Variants in PLCD3 observed in about 807,000 individuals in gnomAD.
PLCD3 encodes phospholipase C delta 3.
A neutral mutation model predicts 82.8 loss-of-function variants in PLCD3; 62 were observed. The ratio of observed to expected loss-of-function variants is 0.75; its 90% CI spans 0.61 to 0.93. PLCD3 has a LOEUF of 0.93. PLCD3 is among the 40% of genes least tolerant of loss of function. The probability of loss-of-function intolerance (pLI) is 0.00; values close to 1 mark genes in which losing one functional copy is unlikely to be tolerated. For missense variants in PLCD3, 1,023 were observed against 1,103.4 expected, an observed-to-expected ratio of 0.93 and a Z score of 1.03; for synonymous variants, 478 against 471.8, an observed-to-expected ratio of 1.01 and a Z score of -0.17.
rs1189365456 is a variant in PLCD3, at chr17:45,121,026, T to G, written c.430A>C (p.Lys144Gln). ...APARCLTIAF[K>Q]GRRKNLDLAA... ...AGGTCCAGGTTCTTGCGGCGGCCCT[T>G]GAAGGCGATGGTGAGGCAGCGCGCT... The change falls in exon 3 of 15, where the codon AAG becomes CAG. Residue 144 changes from lysine to glutamine, a missense_variant. Around this residue, in one of 3 missense-constraint regions of PLCD3, gnomAD observed 448 missense variants for 406.3 expected, o/e 1.10. Coordinates refer to ENST00000619929, the MANE Select transcript of PLCD3 (RefSeq NM_133373.5). 3.9e-6 allele frequency: 6 copies of G among 1,540,560 alleles called. No homozygotes were observed. Among genetic ancestry groups the G allele is most frequent in the Non-Finnish European group, 5.2e-6 (6 of 1,150,628 alleles).
rs1239387542 is a variant in PLCD3 at position 45,118,330 on chromosome 17, G to C, written c.1076C>G (p.Ser359Cys). ...SSSHNTYLTD[S>C]QIGGPSSTEA... ...GGTGCTGCTGGGCCCCCCGATCTGGGAGTCAGTCAGATAGGTGTTGTGGGA... is the reference window on the plus strand; with the variant it reads ...GGTGCTGCTGGGCCCCCCGATCTGGCAGTCAGTCAGATAGGTGTTGTGGGA... Residue 359 changes from serine (S) to cysteine (C), a missense_variant, in exon 6 of 15, where the codon TCC (serine) becomes TGC (cysteine). Physicochemically the swap from Ser to Cys is moderately radical, Grantham distance 112 (BLOSUM62 -1). Coordinates refer to ENST00000619929, the MANE Select transcript of PLCD3 (RefSeq NM_133373.5). This position sits in a 1 kb window ranked among gnomAD's most constrained non-coding sequence, Gnocchi z 4.1. 1.2e-6 allele frequency: 2 copies of C among 1,613,954 alleles called. No individual in the cohort carries two copies. The highest frequency in any genetic ancestry group is 1.7e-6 in the Non-Finnish European group (2 of 1,179,912).
At chr17:45,112,817 G>T (rs1255305593) in intron 14 of PLCD3, 46 bp downstream of exon 14, 1 of 1,607,170 alleles carries the variant, frequency 6.2e-7, no homozygotes, top group East Asian at 2.2e-5. Flanking sequence ...AGGGTCTGCA[G>T]GACCTGGACC....
intron 11 of PLCD3, 67 bp from the exon 12 acceptor site, chr17:45,113,672 G>A: frequency 1.3e-6 from 2 of 1,515,020 alleles, no homozygotes; most frequent in Admixed American, 4.1e-5. Context: ...AGTTTCAGGG[G>A]ACTGCATTCC....
intron 8 of PLCD3, among the ~76,000 whole-genome samples, chr17:45,116,154 G>T (rs2054289948): frequency 6.6e-6 from 1 of 152,248 alleles, no homozygotes; most frequent in South Asian, 2.1e-4. Flanking sequence ...AGAGAGCCGA[G>T]GACGCGCTCT....
At position 45,123,525 on chromosome 17, in the gene PLCD3, T is replaced by C. The variant is rs1053384422; in HGVS notation, c.164-2153A>G. 3.3e-5 allele frequency among the ~76,000 whole-genome samples: 5 copies of C among 152,130 alleles called. No individual in the cohort carries two copies. The South Asian group carries it at 6.2e-4, about 19-fold the overall frequency. On this transcript the variant is annotated intron_variant, in intron 1 of 14. Coordinates refer to ENST00000619929, the MANE Select transcript of PLCD3 (RefSeq NM_133373.5). ...GGACTAAGTGAATTCTATCCCCAGC[T>C]CTGCCCCATCTGTCCAGAGTTCAGG...
Position 45,118,043 on chromosome 17 carries a change from T to C in PLCD3, c.1211A>G (p.Lys404Arg). Residue 404 changes from lysine (K) to arginine (R), a missense_variant, in exon 7 of 15, where the codon AAG (lysine) becomes AGG (arginine). Lys to Arg is a conservative substitution (Grantham distance 26, BLOSUM62 2). Coordinates refer to ENST00000619929, the MANE Select transcript of PLCD3 (RefSeq NM_133373.5). The surrounding 1 kb of genome is among the most constrained non-coding windows in gnomAD (Gnocchi z 4.1). ...VIYHGHTLTS[K>R]ILFRDVVQAV... Reference sequence around the variant, plus strand: ...TTGGACCACGTCCCGGAAGAGAATCTTGGAGGTGAGGGTATGGCCATGATA... The same window carrying C: ...TTGGACCACGTCCCGGAAGAGAATCCTGGAGGTGAGGGTATGGCCATGATA... 4 of 1,613,706 alleles carry C rather than the reference T, an allele frequency of 2.5e-6. No homozygotes were observed. The South Asian group carries it at 3.3e-5, about 13-fold the overall frequency.
At chr17:45,123,964 C>CCCCCCCCCCCCT (rs767288821) in intron 1 of PLCD3, among the ~76,000 whole-genome samples, 1 of 145,232 alleles carries the variant, frequency 6.9e-6, no homozygotes, top group African/African-American at 2.5e-5. Flanking sequence ...AGACCCCCCC[C>CCCCCCCCCCCCT]CCAACCAGGT....
At chr17:45,119,968 G>A (rs756112528) in intron 4 of PLCD3, among the ~76,000 whole-genome samples, 31 of 152,362 alleles carry the variant, frequency 2.0e-4, no homozygotes, top group African/African-American at 4.6e-4. Flanking sequence ...GGGTGCACAC[G>A]TGTATCCGTG....
rs759521152 is a variant in PLCD3 at position 45,114,296 on chromosome 17, T to C, written c.1782A>G (p.Ser594=). The change falls in exon 11 of 15, where the codon TCA becomes TCG. Residue 594 remains serine (S), a synonymous_variant. Transcript: ENST00000619929. ...RVYPLGLRMN[S]ANYSPQEMWN... ...ACATCTCCTGGGGACTGTAGTTGGC[T>C]GAGTTCATCCGCAGCCCCAGCGGGT... The C allele has an allele frequency of 4.0e-5, 62 of 1,548,696 alleles. No homozygotes were observed. The Middle Eastern group carries it at 3.7e-3, about 92-fold the overall frequency.
chr17:45,115,531 C>T (rs779377481), intron 8 of PLCD3, 41 bp from the exon 9 acceptor site: 13 of 1,538,580 alleles, frequency 8.4e-6, no homozygotes, highest in South Asian at 3.5e-5. Flanking sequence ...TAGGCCTTCT[C>T]GCCCCTGTGG....
At position 45,118,114 on chromosome 17, in the gene PLCD3, G is replaced by A. The variant is rs758805083; in HGVS notation, c.1140C>T (p.Cys380=). The A allele has an allele frequency of 3.2e-5, 52 of 1,613,834 alleles. No individual in the cohort carries two copies. Among genetic ancestry groups the A allele is most frequent in the South Asian group, 5.5e-5 (5 of 91,072 alleles). The change falls in exon 7 of 15, where the codon TGC becomes TGT. Residue 380 remains cysteine, a synonymous_variant. Coordinates refer to ENST00000619929, the MANE Select transcript of PLCD3 (RefSeq NM_133373.5). The surrounding 1 kb of genome is among the most constrained non-coding windows in gnomAD (Gnocchi z 4.1). ...GCCCCTCCCAGCAGTCCAGCTCCAC[G>A]CAGCGGCATCCCTGGGCAAAGGCCC... The part of the protein sequence containing the change: ...YVRAFAQGCR[C]VELDCWEGPG...
intron 1 of PLCD3, among the ~76,000 whole-genome samples, chr17:45,128,009 G>A (rs564543223): frequency 5.3e-5 from 8 of 152,232 alleles, no homozygotes; most frequent in African/African-American, 9.6e-5. Flanking sequence ...CCAGGTGGCC[G>A]GGGCTGTGAG....
Position 45,118,634 on chromosome 17 carries a change from CT to C in PLCD3, c.914-143del. Reference sequence around the variant, plus strand: ...CTCCATGTAAGTCATGCCACTTAACCTTCGACCAGACCCTGGGAGGAAGACA... The same window carrying C: ...CTCCATGTAAGTCATGCCACTTAACCTCGACCAGACCCTGGGAGGAAGACA... On this transcript the variant is annotated intron_variant, in intron 5 of 14. Coordinates refer to ENST00000619929, the MANE Select transcript of PLCD3 (RefSeq NM_133373.5). This position sits in a 1 kb window ranked among gnomAD's most constrained non-coding sequence, Gnocchi z 4.1. 1 of 1,154,640 alleles carries C rather than the reference CT, an allele frequency of 8.7e-7. No homozygotes were observed. Among genetic ancestry groups the C allele is most frequent in the Non-Finnish European group, 1.2e-6 (1 of 819,456 alleles). 71.5% of individuals were successfully genotyped at this position (1,154,640 alleles called of 1,614,324 possible).
chr17:45,121,734 T>C (rs1271636045), intron 1 of PLCD3, among the ~76,000 whole-genome samples: 2 of 152,200 alleles, frequency 1.3e-5, no homozygotes, highest in Non-Finnish European at 2.9e-5. Flanking sequence ...CTCACGCCTA[T>C]AATCTCAGCA....
chr17:45,129,325 T>TC (rs1485592522), intron 1 of PLCD3: 1 of 152,250 alleles, frequency 6.6e-6, no homozygotes, highest in East Asian at 1.9e-4. Context: ...GATGTGGTGG[T>TC]ACCCAGTCTC....
At chr17:45,119,359 C>G (rs2054319081) in intron 4 of PLCD3, among the ~76,000 whole-genome samples, 1 of 152,226 alleles carries the variant, frequency 6.6e-6, no homozygotes, top group South Asian at 2.1e-4. Flanking sequence ...TTCCAAATAG[C>G]TGGACAGCTG....
chr17:45,115,780 C>G (rs2054285732), intron 8 of PLCD3, among the ~76,000 whole-genome samples: 1 of 152,226 alleles, frequency 6.6e-6, no homozygotes, highest in African/African-American at 2.4e-5. Flanking sequence ...CAAAGAAGAT[C>G]TTACGTGGAA....
chr17:45,115,858 A>G (rs1415018157), intron 8 of PLCD3, among the ~76,000 whole-genome samples: 3 of 152,250 alleles, frequency 2.0e-5, no homozygotes, highest in East Asian at 3.8e-4. Flanking sequence ...GACAGTACAC[A>G]TATGTACACA....
chr17:45,120,580 C>T, intron 3 of PLCD3, 126 bp from the exon 4 acceptor site: 2 of 1,248,718 alleles, frequency 1.6e-6, no homozygotes, highest in Non-Finnish European at 2.2e-6. Flanking sequence ...TTCCCCTTGG[C>T]CTGTGCACTC....
Sources: allele counts gnomAD v4.1 joint callset (sites outside exome capture counted in the v4.1 genomes callset), GRCh38; gene constraint gnomAD v4.1.1; regional missense constraint gnomAD v4.1.1; non-coding constraint Gnocchi (gnomAD v3.1); transcripts MANE v1.5; gene names NCBI Gene and HGNC (gene_info 2026-07-23, HGNC 2026-07-21).